OSBPL7: variants seen among roughly 807,000 people sequenced by gnomAD.
OSBPL7 encodes oxysterol-binding protein-related protein 7.
OSBPL7 carries 66 observed loss-of-function variants against 115.8 expected under a neutral mutation model. The observed-to-expected ratio is 0.57, with a 90% confidence interval of 0.47 to 0.70. The LOEUF (loss-of-function observed/expected upper bound fraction) is 0.70, where lower values mean the gene tolerates loss of function less well. OSBPL7 is among the 30% of genes least tolerant of loss of function. The pLI, the probability that OSBPL7 is intolerant of heterozygous loss-of-function variation, is 0.00. For synonymous variants in OSBPL7, 441 were observed against 439.2 expected, an observed-to-expected ratio of 1.00 and a Z score of -0.05; for missense variants, 902 against 1,125.5, an observed-to-expected ratio of 0.80 and a Z score of 2.84.
chr17:47,809,300 G>A (rs1451169786), intron 19 of OSBPL7, 34 bp downstream of exon 19: 4 of 1,611,260 alleles, frequency 2.5e-6, no homozygotes, highest in African/African-American at 1.3e-5. Context: ...AGGCTGCCGG[G>A]GATGGATGGG....
rs138830611 is a variant in OSBPL7, at chr17:47,809,385, G to A, written c.1974C>T (p.Leu658=). The A allele has an allele frequency of 9.3e-6, 15 of 1,614,054 alleles. No homozygotes were observed. The highest frequency in any genetic ancestry group is 1.3e-5 in the African/African-American group (1 of 74,926). Reference sequence around the variant, plus strand: ...AGGAGCTGTCCTGTGTGTTTCGGATGAGCACCTCCCCATAGTGCTCGATCC... The same window carrying A: ...AGGAGCTGTCCTGTGTGTTTCGGATAAGCACCTCCCCATAGTGCTCGATCC... ...QRWIEHYGEV[L]IRNTQDSSCH... The change falls in exon 19 of 23, where the codon CTC becomes CTT. Residue 658 remains leucine (L), a synonymous_variant. Transcript: ENST00000007414.
chr17:47,807,906 G>A lies in OSBPL7; in HGVS notation c.*385C>T. ...CTCACCGCTGGGGACAGAGGCCTGG[G>A]CACAGAAAGCCTGGGGAGCGTCAAG... On this transcript the variant is annotated 3_prime_UTR_variant, in exon 23 of 23. Transcript: ENST00000007414. The A allele has an allele frequency of 4.2e-6, 1 of 239,244 alleles. No individual in the cohort carries two copies. Among genetic ancestry groups the A allele is most frequent in the Non-Finnish European group, 8.4e-6 (1 of 119,518 alleles). 14.8% of individuals were successfully genotyped at this position (239,244 alleles called of 1,614,324 possible).
At chr17:47,817,394 T>C (rs967521958) in intron 7 of OSBPL7, 35 bp from the exon 8 acceptor site, 22 of 1,484,580 alleles carry the variant, frequency 1.5e-5, no homozygotes, top group Non-Finnish European at 2.0e-5. Context: ...AGAACACCAT[T>C]CATTTTTTTT....
chr17:47,816,222 G>A lies in OSBPL7; in HGVS notation c.1024-20C>T, dbSNP rs143576419. The A allele has an allele frequency of 0.015, 22,528 of 1,543,978 alleles. 225 individuals carry two copies. Among genetic ancestry groups the A allele is most frequent in the Non-Finnish European group, 0.018 (20,355 of 1,142,372 alleles). Reference sequence around the variant, plus strand: ...AGAGACCTGCAGGGAGAGGGTGAGGGACACGGTGCCAGGAGGATGAGGTCC... The same window carrying A: ...AGAGACCTGCAGGGAGAGGGTGAGGAACACGGTGCCAGGAGGATGAGGTCC... On this transcript the variant is annotated intron_variant, in intron 11 of 22. Transcript: ENST00000007414. The surrounding 1 kb of genome is among the most constrained non-coding windows in gnomAD (Gnocchi z 5.8).
intron 7 of OSBPL7, among the ~76,000 whole-genome samples, chr17:47,817,959 C>T (rs1490994341): frequency 6.6e-6 from 1 of 152,222 alleles, no homozygotes; most frequent in African/African-American, 2.4e-5. Flanking sequence ...CTGCAGGAAC[C>T]CTTTCCTAGA....
In OSBPL7 at chr17:47,809,057, C is replaced by G; in HGVS notation, c.2170+19G>C. The G allele has an allele frequency of 6.2e-7, 1 of 1,613,888 alleles. No homozygotes were observed. Among genetic ancestry groups the G allele is most frequent in the Non-Finnish European group, 8.5e-7 (1 of 1,180,028 alleles). Reference sequence around the variant, plus strand: ...AGCTGCTCCAGCCTCACCCAGCCCTCTGTGACCCCTCCACTTACTGGGTTT... The same window carrying G: ...AGCTGCTCCAGCCTCACCCAGCCCTGTGTGACCCCTCCACTTACTGGGTTT... On this transcript the variant is annotated intron_variant, in intron 20 of 22. Transcript: ENST00000007414.
chr17:47,818,079 G>A (rs899315412), intron 7 of OSBPL7, among the ~76,000 whole-genome samples, 190 bp downstream of exon 7: 15 of 152,200 alleles, frequency 9.9e-5, no homozygotes, highest in African/African-American at 3.6e-4. Context: ...ATGTGCCCAG[G>A]CAGACTCTTA....
In OSBPL7 at chr17:47,816,063, A is replaced by G; in HGVS notation, c.1119+44T>C. 6.7e-7 allele frequency: 1 copy of G among 1,493,714 alleles called. No individual in the cohort carries two copies. Among genetic ancestry groups the G allele is most frequent in the South Asian group, 1.3e-5 (1 of 79,066 alleles). 92.5% of individuals were successfully genotyped at this position (1,493,714 alleles called of 1,614,324 possible). A position where few individuals can be genotyped will look rare whatever the true frequency, so the allele number is the denominator to read the frequency against. On this transcript the variant is annotated intron_variant, in intron 12 of 22. Coordinates refer to ENST00000007414, the MANE Select transcript of OSBPL7 (RefSeq NM_145798.3). The surrounding 1 kb of genome is among the most constrained non-coding windows in gnomAD (Gnocchi z 5.8). ...GGGCCTTGGCTTTCGCTGGGAGAGA[A>G]GGCACAGGAGAATCGGCCCCCACAG... is the stretch of plus-strand genomic sequence containing the variant.
chr17:47,815,405 A>T, intron 12 of OSBPL7, 53 bp from the exon 13 acceptor site: 1 of 1,605,910 alleles, frequency 6.2e-7, no homozygotes, highest in Admixed American at 1.7e-5. Flanking sequence ...CGGGGGGATC[A>T]AGCAGGGCAC....
rs777301764 is a variant in OSBPL7 at position 47,809,109 on chromosome 17, G to A, written c.2137C>T (p.Pro713Ser). 1 of 1,614,144 alleles carries A rather than the reference G, an allele frequency of 6.2e-7. No homozygotes were observed. Among genetic ancestry groups the A allele is most frequent in the Non-Finnish European group, 8.5e-7 (1 of 1,180,050 alleles). ...GKWHEGLYRGPTPGGQCIWKP... is the reference protein window; with the variant it reads ...GKWHEGLYRGSTPGGQCIWKP... ...CAGATGCACTGGCCACCTGGCGTGG[G>A]TCCCCGGTACAGCCCCTCGTGCCAC... is the stretch of plus-strand genomic sequence containing the variant. Residue 713 changes from proline to serine, a missense_variant, in exon 20 of 23, where the codon CCC (proline) becomes TCC (serine). By Grantham distance (74) the Pro-to-Ser change is moderately conservative (BLOSUM62 -1). This residue lies in a region of OSBPL7 where 230 missense variants were observed against 312.7 expected (regional missense o/e 0.74). Transcript: ENST00000007414.
In OSBPL7 at chr17:47,819,918, C is replaced by A. The variant is rs557827384; in HGVS notation, c.201+53G>T. ...ATTGGACTGCCCAGCAGCTGCCCCC[C>A]ATTCCCACCCCGCCCCCCATGTCTG... On this transcript the variant is annotated intron_variant, in intron 3 of 22. Coordinates refer to ENST00000007414, the MANE Select transcript of OSBPL7 (RefSeq NM_145798.3). 50 of 1,517,078 alleles carry A rather than the reference C, an allele frequency of 3.3e-5. No homozygotes were observed. In the East Asian group the frequency reaches 7.7e-4, roughly 23 times the overall value. The allele number at this position is 1,517,078 out of a possible 1,614,324, so 94.0% of individuals were successfully genotyped here.
chr17:47,812,136 T>C (rs933797955), intron 16 of OSBPL7, among the ~76,000 whole-genome samples: 8 of 152,096 alleles, frequency 5.3e-5, no homozygotes, highest in Non-Finnish European at 8.8e-5. Context: ...TTTTGGAAAA[T>C]AGTCTGCTTT....
chr17:47,820,061 C>T lies in OSBPL7; in HGVS notation c.111G>A (p.Arg37=), dbSNP rs2033349792. ...TGACACCCTCTGTCCCCAGCCTGAC[C>T]CGAGGCTCCTCCACCACCTCCCACA... The part of the protein sequence containing the change: ...SELWEVVEEP[R]VRLGTEGVMP... Residue 37 remains arginine, a synonymous_variant, in exon 3 of 23, where the codon CGG becomes CGA. Coordinates refer to ENST00000007414, the MANE Select transcript of OSBPL7 (RefSeq NM_145798.3). The T allele has an allele frequency of 6.2e-7, 1 of 1,612,392 alleles. No individual in the cohort carries two copies. The highest frequency in any genetic ancestry group is 8.5e-7 in the Non-Finnish European group (1 of 1,179,966).
intron 4 of OSBPL7, chr17:47,819,338 C>T (rs1477912092): frequency 1.8e-6 from 1 of 570,258 alleles, no homozygotes; most frequent in Non-Finnish European, 3.1e-6. Context: ...CTATTCCCAC[C>T]CTCAGGGGTC....
intron 8 of OSBPL7, 22 bp downstream of exon 8, chr17:47,817,234 T>C (rs1293582667): frequency 1.3e-6 from 2 of 1,560,094 alleles, no homozygotes; most frequent in South Asian, 2.4e-5. Context: ...AGCAGGACCC[T>C]GTGTGTACCC....
Position 47,818,401 on chromosome 17 carries a change from C to T in OSBPL7, c.481-15G>A, listed in dbSNP as rs755862520. On this transcript the variant is annotated splice_polypyrimidine_tract_variant and intron_variant, in intron 6 of 22. Coordinates refer to ENST00000007414, the MANE Select transcript of OSBPL7 (RefSeq NM_145798.3). ...GCACCAGGAACCTGTGGGGTGAGCC[C>T]AGGGTCAGGAAGGATGATGCCCACC... The T allele has an allele frequency of 3.7e-6, 6 of 1,610,746 alleles. No homozygotes were observed. The highest frequency in any genetic ancestry group is 4.2e-6 in the Non-Finnish European group (5 of 1,178,096).
At chr17:47,818,193 G>A in intron 7 of OSBPL7, 76 bp downstream of exon 7, 1 of 1,277,396 alleles carries the variant, frequency 7.8e-7, no homozygotes, top group Non-Finnish European at 1.1e-6. Flanking sequence ...AGGCAGGGAT[G>A]GAGGTAACAT....
chr17:47,811,555 AAG>A (rs1258081972), intron 16 of OSBPL7, among the ~76,000 whole-genome samples: 1 of 152,180 alleles, frequency 6.6e-6, no homozygotes, highest in Non-Finnish European at 1.5e-5. Flanking sequence ...GACCCACACT[AAG>A]AAACTGCTAA....
chr17:47,815,928 T>C (rs2033199630), intron 12 of OSBPL7, 179 bp downstream of exon 12: 4 of 565,948 alleles, frequency 7.1e-6, no homozygotes, highest in African/African-American at 5.7e-5. Context: ...ACCCTGCACG[T>C]TGTTACACAA....
Sources: gnomAD v4.1 joint callset for allele counts (sites outside exome capture counted in the v4.1 genomes callset) on GRCh38, gnomAD v4.1.1 for gene constraint, gnomAD v4.1.1 regional missense constraint, Gnocchi (gnomAD v3.1) non-coding constraint, MANE v1.5 for transcripts, NCBI Gene and HGNC (gene_info 2026-07-23, HGNC 2026-07-21) for gene names.